Variants in TMC1 observed in about 807,000 individuals in gnomAD.
TMC1 encodes the protein transmembrane channel like 1, also known as transmembrane channel-like protein 1.
Under a neutral mutation model 105.8 loss-of-function variants are expected in TMC1, and 84 were observed. The ratio of observed to expected loss-of-function variants is 0.79; its 90% confidence interval spans 0.67 to 0.95. TMC1 has a LOEUF of 0.95. TMC1 is among the 40% of genes least tolerant of loss of function. TMC1 has a pLI of 0.00. For missense variants in TMC1, 817 were observed against 914.1 expected (o/e 0.89, Z 1.37); for synonymous variants, 315 against 311.5 (o/e 1.01, Z -0.12).
intron 2 of TMC1, among the ~76,000 whole-genome samples, chr9:72,605,575 ATT>A (rs376876900): frequency 2.7e-4 from 36 of 131,658 alleles, no homozygotes; most frequent in Middle Eastern, 4.1e-3. Context: ...AGTCAGATTA[ATT>A]TTTTTTTTTT....
chr9:72,818,858 T>G (rs1828829158), intron 19 of TMC1: 1 of 152,220 alleles, frequency 6.6e-6, no homozygotes, highest in Non-Finnish European at 1.5e-5. Context: ...CTTATGGCTC[T>G]TGAGTTATTT....
intron 8 of TMC1, among the ~76,000 whole-genome samples, chr9:72,710,863 C>T (rs991251553): frequency 6.6e-6 from 1 of 152,084 alleles, no homozygotes; most frequent in African/African-American, 2.4e-5. Context: ...TATACACATG[C>T]CATGGTGGTT....
intron 15 of TMC1, among the ~76,000 whole-genome samples, chr9:72,790,674 G>A (rs1828252009): frequency 6.6e-6 from 1 of 152,120 alleles, no homozygotes; most frequent in African/African-American, 2.4e-5. Flanking sequence ...GGGACCCTCT[G>A]AGTCCTAGGG....
chr9:72,526,186 A>C (rs1823405666), intron 1 of TMC1, among the ~76,000 whole-genome samples: 1 of 152,232 alleles, frequency 6.6e-6, no homozygotes, highest in South Asian at 2.1e-4. Context: ...GAGATTTGTT[A>C]ATTTCCTATT....
chr9:72,643,674 C>T (rs1269281479), intron 4 of TMC1, among the ~76,000 whole-genome samples: 2 of 152,160 alleles, frequency 1.3e-5, no homozygotes, highest in Non-Finnish European at 2.9e-5. Context: ...TACATGAATA[C>T]ATTGCAATTT....
chr9:72,743,592 AAG>A (rs2118028886), intron 10 of TMC1, among the ~76,000 whole-genome samples: 1 of 150,858 alleles, frequency 6.6e-6, no homozygotes, highest in South Asian at 2.1e-4. Context: ...GAAAGAAAGA[AAG>A]AAAAAAAACG....
chr9:72,752,224 A>T (rs1465491187), intron 11 of TMC1, among the ~76,000 whole-genome samples: 1 of 152,130 alleles, frequency 6.6e-6, no homozygotes, highest in African/African-American at 2.4e-5. Context: ...GGAAAGTTTC[A>T]TGGCTTCTTT....
intron 8 of TMC1, among the ~76,000 whole-genome samples, chr9:72,727,260 C>T (rs1827139496): frequency 6.6e-6 from 1 of 152,180 alleles, no homozygotes; most frequent in Non-Finnish European, 1.5e-5. Context: ...CTTTTCACTT[C>T]AAGGCTGTCT....
chr9:72,631,223 T>C (rs1825443876), intron 4 of TMC1, among the ~76,000 whole-genome samples: 2 of 152,204 alleles, frequency 1.3e-5, no homozygotes, highest in Admixed American at 1.3e-4. Flanking sequence ...AAAGTAAAAA[T>C]TTGTAATTTA....
At chr9:72,603,612 C>A (rs1037795215) in intron 2 of TMC1, among the ~76,000 whole-genome samples, 92 of 152,178 alleles carry the variant, frequency 6.0e-4, no homozygotes, top group African/African-American at 2.2e-3. Flanking sequence ...CACAGTGGCG[C>A]GATTTCAGCT....
intron 2 of TMC1, among the ~76,000 whole-genome samples, chr9:72,600,754 A>T (rs1286842140): frequency 6.6e-6 from 1 of 152,184 alleles, no homozygotes; most frequent in African/African-American, 2.4e-5. Flanking sequence ...ATTAAAATTT[A>T]TTTCCTGTTT....
At chr9:72,570,922 C>A (rs1376076425) in intron 1 of TMC1, among the ~76,000 whole-genome samples, 11 of 149,262 alleles carry the variant, frequency 7.4e-5, no homozygotes, top group African/African-American at 2.4e-4. Flanking sequence ...CTCCTGACCT[C>A]AAATGATCCA....
At chr9:72,827,337 C>A (rs1828972813) in intron 21 of TMC1, among the ~76,000 whole-genome samples, 1 of 152,206 alleles carries the variant, frequency 6.6e-6, no homozygotes, top group South Asian at 2.1e-4. Flanking sequence ...AACAACCCGG[C>A]CTCCACCTCT....
chr9:72,669,456 A>G (rs1161068764), intron 5 of TMC1, among the ~76,000 whole-genome samples: 1 of 152,228 alleles, frequency 6.6e-6, no homozygotes, highest in African/African-American at 2.4e-5. Context: ...ATTTTTGCAG[A>G]AGACATTTAT....
intron 12 of TMC1, among the ~76,000 whole-genome samples, chr9:72,756,291 C>A (rs1564534180): frequency 6.6e-6 from 1 of 152,072 alleles, no homozygotes; most frequent in South Asian, 2.1e-4. Context: ...AACCAGTATA[C>A]AAGATGCTGT....
At chr9:72,636,352 T>A (rs1825534304) in intron 4 of TMC1, among the ~76,000 whole-genome samples, 1 of 152,220 alleles carries the variant, frequency 6.6e-6, no homozygotes. Flanking sequence ...GCATCTTGTA[T>A]CTTTCTGTCC....
At chr9:72,678,026 C>T (rs1002092905) in intron 5 of TMC1, among the ~76,000 whole-genome samples, 4 of 152,130 alleles carry the variant, frequency 2.6e-5, no homozygotes, top group Non-Finnish European at 2.9e-5. Flanking sequence ...ATTTCAGACT[C>T]ACCATGAAAT....
Position 72,836,225 on chromosome 9 carries a change from T to C in TMC1, c.*252T>C. On this transcript the variant is annotated 3_prime_UTR_variant, in exon 24 of 24. Transcript: ENST00000297784. ...TCCCCTGCTCCATTTCGTGACTTTT[T>C]TTTTTTTTTTAACAAATTGAGTTTA... 1 of 547,626 alleles carries C rather than the reference T, an allele frequency of 1.8e-6. No individual in the cohort carries two copies. The highest frequency in any genetic ancestry group is 2.5e-5 in the South Asian group (1 of 40,694). The allele number at this position is 547,626 out of a possible 1,614,324, so 33.9% of individuals were successfully genotyped here. A position where few individuals can be genotyped will look rare whatever the true frequency, so the allele number is the denominator to read the frequency against.
At chr9:72,668,502 G>GATCA (rs775869390) in intron 5 of TMC1, among the ~76,000 whole-genome samples, 6 of 152,126 alleles carry the variant, frequency 3.9e-5, no homozygotes, top group Non-Finnish European at 8.8e-5. Flanking sequence ...GTACAATGAG[G>GATCA]ATCATCACAT....
Sources: gnomAD v4.1 joint callset for allele counts (sites outside exome capture counted in the v4.1 genomes callset) on GRCh38, gnomAD v4.1.1 for gene constraint, MANE v1.5 for transcripts, NCBI Gene and HGNC (gene_info 2026-07-23, HGNC 2026-07-21) for gene names.